KCNMA1: variants seen among roughly 807,000 people sequenced by gnomAD.
KCNMA1 encodes potassium calcium-activated channel subfamily M alpha 1.
A neutral mutation model predicts 140.0 loss-of-function variants in KCNMA1; 29 were observed. That is an observed-to-expected ratio of 0.21 (90% CI 0.15 to 0.28). The LOEUF is 0.28. Among genes scored for constraint, KCNMA1 ranks in the 10% least tolerant of loss-of-function variants. The pLI, the probability that KCNMA1 is intolerant of heterozygous loss-of-function variation, is 1.00. For missense variants in KCNMA1, 880 were observed against 1,602.2 expected, an observed-to-expected ratio of 0.55 and a Z score of 7.70; for synonymous variants, 612 against 611.9, an observed-to-expected ratio of 1.00 and a Z score of 0.00.
Position 77,305,825 on chromosome 10 carries a change from C to CA in KCNMA1, c.541-54570dup, listed in dbSNP as rs772278424. Among the ~76,000 whole-genome samples, 13 of 152,136 alleles carry CA rather than the reference C, an allele frequency of 8.5e-5. No homozygotes were observed. The East Asian group carries it at 9.6e-4, about 11-fold the overall frequency. On this transcript the variant is annotated intron_variant, in intron 2 of 27. Coordinates refer to ENST00000286628, the MANE Select transcript of KCNMA1 (RefSeq NM_001161352.2). The stretch of plus-strand genomic sequence containing the variant: ...TCCCCAAGAGTCCTGAGGCTCTGCG[C>CA]AAACAAAATTAATAGCCTGCAAACT...
At chr10:77,106,139 T>G (rs769887780) in intron 9 of KCNMA1, among the ~76,000 whole-genome samples, 1 of 152,066 alleles carries the variant, frequency 6.6e-6, no homozygotes, top group African/African-American at 2.4e-5. Context: ...CAGGAAACAA[T>G]GCATAAAGTA....
intron 1 of KCNMA1, among the ~76,000 whole-genome samples, chr10:77,438,260 T>C (rs1427277611): frequency 6.6e-6 from 1 of 152,100 alleles, no homozygotes; most frequent in Non-Finnish European, 1.5e-5. Flanking sequence ...ATTTTTCTGT[T>C]GGCATCCAGT....
In KCNMA1 at chr10:77,055,895, G is replaced by A. The variant is rs984438629; in HGVS notation, c.1750-16258C>T. Among the ~76,000 whole-genome samples the A allele has an allele frequency of 5.3e-5, 8 of 152,264 alleles. No individual in the cohort carries two copies. In the South Asian group the frequency reaches 1.0e-3, roughly 20 times the overall value. On this transcript the variant is annotated intron_variant, in intron 14 of 27. Coordinates refer to ENST00000286628, the MANE Select transcript of KCNMA1 (RefSeq NM_001161352.2). ...ATTGTTTATAAACTCTGGGGCTCAC[G>A]CTAAGCTGTGCATGGATGAAACTGA...
chr10:77,491,056 CTG>C (rs1367962783), intron 1 of KCNMA1, among the ~76,000 whole-genome samples: 1 of 152,220 alleles, frequency 6.6e-6, no homozygotes, highest in Non-Finnish European at 1.5e-5. Flanking sequence ...GATGGAGACA[CTG>C]AGGTCCACCT....
intron 3 of KCNMA1, among the ~76,000 whole-genome samples, chr10:77,236,589 G>A (rs1255329354): frequency 1.3e-5 from 2 of 152,182 alleles, no homozygotes; most frequent in Non-Finnish European, 2.9e-5. Flanking sequence ...TACACTAAAA[G>A]CTAGTGTTTC....
rs11002162 is a variant in KCNMA1, at chr10:77,417,925, G to A, written c.379-13902C>T. On this transcript the variant is annotated intron_variant, in intron 1 of 27. Transcript: ENST00000286628. ...CATACAGCGGCAGTCAGGATCTACC[G>A]CTCCGAGCACAGCCCAGCCTGAGGA... is the stretch of plus-strand genomic sequence containing the variant. Among the ~76,000 whole-genome samples the A allele has an allele frequency of 6.8e-3, 1,034 of 152,262 alleles. 22 individuals carry two copies. The highest frequency in any genetic ancestry group is 9.7e-3 in the Non-Finnish European group (661 of 67,998).
chr10:77,156,902 A>T (rs993279530), intron 5 of KCNMA1, among the ~76,000 whole-genome samples: 3 of 152,062 alleles, frequency 2.0e-5, no homozygotes, highest in Non-Finnish European at 2.9e-5. Context: ...CAAGCAATCA[A>T]CATTCCCTGT....
intron 2 of KCNMA1, among the ~76,000 whole-genome samples, chr10:77,301,485 C>T (rs2154332690): frequency 6.6e-6 from 1 of 152,270 alleles, no homozygotes; most frequent in South Asian, 2.1e-4. Context: ...TCTAGGTAAA[C>T]TTGATGGACT....
At chr10:77,327,273 C>T (rs11002120) in intron 2 of KCNMA1, among the ~76,000 whole-genome samples, 39,345 of 150,944 alleles carry the variant, frequency 0.26, 6,452 homozygotes, top group Non-Finnish European at 0.38. Flanking sequence ...AGCTTCACCA[C>T]CTTCTTGTCT....
chr10:77,600,619 A>G (rs1178884672), intron 1 of KCNMA1, among the ~76,000 whole-genome samples: 1 of 152,116 alleles, frequency 6.6e-6, no homozygotes, highest in African/African-American at 2.4e-5. Context: ...TTGGTGGCAC[A>G]TGCCTGTAAT....
chr10:77,082,706 G>A (rs959394293), intron 12 of KCNMA1, among the ~76,000 whole-genome samples: 13 of 151,948 alleles, frequency 8.6e-5, no homozygotes, highest in Non-Finnish European at 1.3e-4. Context: ...TAACTGATTC[G>A]GGAATGAGCC....
intron 23 of KCNMA1, among the ~76,000 whole-genome samples, chr10:76,923,813 T>C (rs1044552472): frequency 6.6e-6 from 1 of 151,770 alleles, no homozygotes; most frequent in Non-Finnish European, 1.5e-5. Context: ...TGAAACCTCG[T>C]CTCTACTAAA....
intron 2 of KCNMA1, among the ~76,000 whole-genome samples, chr10:77,374,834 T>C (rs1464664703): frequency 6.6e-6 from 1 of 152,104 alleles, no homozygotes; most frequent in African/African-American, 2.4e-5. Flanking sequence ...ACTGAATGAG[T>C]GCCCACATTT....
rs117002498 is a variant in KCNMA1 at position 77,493,516 on chromosome 10, G to A, written c.379-89493C>T. Reference sequence around the variant, plus strand: ...AGTGAGAATGCACGCCCAACTGAGCGAGTGCGTGTGAGTGAATTATGTGTG... The same window carrying A: ...AGTGAGAATGCACGCCCAACTGAGCAAGTGCGTGTGAGTGAATTATGTGTG... On this transcript the variant is annotated intron_variant, in intron 1 of 27. Transcript: ENST00000286628. 7.4e-4 allele frequency among the ~76,000 whole-genome samples: 113 copies of A among 152,360 alleles called. No homozygotes were observed. In the East Asian group the frequency reaches 0.016, roughly 22 times the overall value.
At chr10:77,066,412 G>A (rs1477410926) in intron 14 of KCNMA1, among the ~76,000 whole-genome samples, 1 of 152,180 alleles carries the variant, frequency 6.6e-6, no homozygotes. Flanking sequence ...AGAGTTTTTA[G>A]TTTCAGCCAT....
chr10:77,082,007 CTTTTTTTT>C (rs201288668), intron 12 of KCNMA1, among the ~76,000 whole-genome samples: 1 of 32,498 alleles, frequency 3.1e-5, no homozygotes, highest in Admixed American at 3.7e-4. Context: ...TTTTTCTTTT[CTTTTTTTT>C]TTTTTTTTTT....
intron 25 of KCNMA1, among the ~76,000 whole-genome samples, 161 bp from the exon 26 acceptor site, chr10:76,891,880 C>A (rs2040224915): frequency 6.6e-6 from 1 of 152,292 alleles, no homozygotes; most frequent in Admixed American, 6.5e-5. Context: ...CAGCAGCCTC[C>A]AATTATTCCG....
intron 1 of KCNMA1, among the ~76,000 whole-genome samples, chr10:77,479,708 C>T (rs1216392873): frequency 6.6e-6 from 1 of 152,166 alleles, no homozygotes; most frequent in Admixed American, 6.5e-5. Flanking sequence ...CCCCAGAAGC[C>T]TAAGCCCTCG....
At chr10:76,954,294 TAC>T (rs889115825) in intron 20 of KCNMA1, among the ~76,000 whole-genome samples, 2 of 64,574 alleles carry the variant, frequency 3.1e-5, no homozygotes, top group African/African-American at 9.6e-5. Flanking sequence ...CACACACACA[TAC>T]ACACACACAG....
Sources: gnomAD v4.1 joint callset for allele counts (sites outside exome capture counted in the v4.1 genomes callset) on GRCh38, gnomAD v4.1.1 for gene constraint, MANE v1.5 for transcripts, NCBI Gene and HGNC (gene_info 2026-07-23, HGNC 2026-07-21) for gene names.